The following CRB1 variants were observed in gnomAD, a reference collection of about 807,000 sequenced individuals.
The protein encoded by CRB1 is protein crumbs homolog 1.
A neutral mutation model predicts 120.0 loss-of-function variants in CRB1; 83 were observed. That is an observed-to-expected ratio of 0.69 (90% CI 0.58 to 0.83). The LOEUF is 0.83. Ranked by LOEUF, CRB1 falls within the 40% of genes least tolerant of loss-of-function variation. The probability of loss-of-function intolerance (pLI) is 0.00; values close to 1 mark genes in which losing one functional copy is unlikely to be tolerated. For missense variants in CRB1, 1,699 were observed against 1,687.6 expected, an observed-to-expected ratio of 1.01 and a Z score of -0.12; for synonymous variants, 625 against 612.5, an observed-to-expected ratio of 1.02 and a Z score of -0.30.
At chr1:197,321,774 C>A (rs188497092) in intron 1 of CRB1, among the ~76,000 whole-genome samples, 17 of 152,252 alleles carry the variant, frequency 1.1e-4, no homozygotes, top group African/African-American at 4.1e-4. Context: ...AATTCTGTGG[C>A]TGCTCAGGCC....
chr1:197,435,627 C>T lies in CRB1; in HGVS notation c.3749+15C>T, dbSNP rs1665121302. On this transcript the variant is annotated intron_variant, in intron 9 of 11. Coordinates refer to ENST00000367400, the MANE Select transcript of CRB1 (RefSeq NM_201253.3). ...AAATTTTGCAGGTGAGCATAAAGTC[C>T]ATATGAAGCTTGGTCTTTGAAGCTA... 1 of 1,604,588 alleles carries T rather than the reference C, an allele frequency of 6.2e-7. No homozygotes were observed. The highest frequency in any genetic ancestry group is 8.5e-7 in the Non-Finnish European group (1 of 1,174,050).
At chr1:197,222,421 G>A in the CRB1 span, 6 of 768,070 alleles carry the variant, frequency 7.8e-6, no homozygotes, top group Admixed American at 6.8e-5. Flanking sequence ...CTATTTCATC[G>A]TCCTCGGGCT....
chr1:197,299,570 A>AT (rs34254994), intron 1 of CRB1, among the ~76,000 whole-genome samples: 105,079 of 151,922 alleles, frequency 0.69, 36,564 homozygotes, highest in East Asian at 0.92. Context: ...ATGTAAAAAA[A>AT]GTTCATACAG....
At chr1:197,245,505 C>T in the CRB1 span, among the ~76,000 whole-genome samples, 1,241 of 152,108 alleles carry the variant, frequency 8.2e-3, 9 homozygotes, top group Non-Finnish European at 0.01. Flanking sequence ...TAGACCCCAT[C>T]TCTTAAAACA....
At chr1:197,416,005 G>T (rs185010693) in intron 5 of CRB1, among the ~76,000 whole-genome samples, 71 of 152,128 alleles carry the variant, frequency 4.7e-4, no homozygotes, top group African/African-American at 1.6e-3. Context: ...ATTTCTATAA[G>T]ACCTTCCCAG....
At chr1:197,254,400 A>G in the CRB1 span, among the ~76,000 whole-genome samples, 18 of 152,118 alleles carry the variant, frequency 1.2e-4, no homozygotes, top group Admixed American at 1.1e-3. Flanking sequence ...TTTTGAAATT[A>G]ATGTTGATGT....
the CRB1 span, among the ~76,000 whole-genome samples, chr1:197,238,474 TA>T: frequency 1.3e-5 from 2 of 152,218 alleles, no homozygotes; most frequent in Non-Finnish European, 2.9e-5. Context: ...TTTTTGAAAG[TA>T]CGATCTTTTT....
At chr1:197,305,619 G>A (rs1657121442) in intron 1 of CRB1, among the ~76,000 whole-genome samples, 3 of 151,734 alleles carry the variant, frequency 2.0e-5, no homozygotes, top group Non-Finnish European at 4.4e-5. Flanking sequence ...TCCTTTTACA[G>A]CATTCATCTT....
the CRB1 span, among the ~76,000 whole-genome samples, chr1:197,250,883 A>G: frequency 6.6e-6 from 1 of 152,018 alleles, no homozygotes; most frequent in African/African-American, 2.4e-5. Context: ...GTCTCCTGGA[A>G]GAGCTGCTTC....
intron 5 of CRB1, among the ~76,000 whole-genome samples, chr1:197,371,078 G>A (rs184613849): frequency 1.8e-4 from 28 of 152,116 alleles, no homozygotes; most frequent in African/African-American, 6.0e-4. Flanking sequence ...AACTTTTTCC[G>A]TTGAGCCTAG....
intron 5 of CRB1, among the ~76,000 whole-genome samples, chr1:197,361,329 T>G (rs987675594): frequency 1.3e-5 from 2 of 152,162 alleles, no homozygotes; most frequent in Admixed American, 6.5e-5. Flanking sequence ...TGTTAATTAT[T>G]CTTTAAATAT....
At chr1:197,335,127 GC>G (rs1659079707) in intron 2 of CRB1, among the ~76,000 whole-genome samples, 1 of 152,250 alleles carries the variant, frequency 6.6e-6, no homozygotes, top group East Asian at 1.9e-4. Flanking sequence ...AGATGCAAAG[GC>G]CCTGAGGTAA....
intron 5 of CRB1, among the ~76,000 whole-genome samples, chr1:197,365,064 A>G (rs1660987978): frequency 6.6e-6 from 1 of 152,196 alleles, no homozygotes; most frequent in Non-Finnish European, 1.5e-5. Context: ...TGGCCTACTT[A>G]TGTGGACTGT....
chr1:197,440,115 A>G (rs1571568101), intron 10 of CRB1: 3 of 152,156 alleles, frequency 2.0e-5, no homozygotes, highest in African/African-American at 7.2e-5. Flanking sequence ...ATCTTTCAAA[A>G]TATTGCAAAT....
At chr1:197,222,261 G>A in the CRB1 span, 1 of 544,148 alleles carries the variant, frequency 1.8e-6, no homozygotes, top group South Asian at 1.7e-5. Context: ...GGTGGCGGGT[G>A]TTTGAGGGAA....
At chr1:197,284,477 C>A (rs1344299638) in intron 1 of CRB1, among the ~76,000 whole-genome samples, 1 of 151,856 alleles carries the variant, frequency 6.6e-6, no homozygotes, top group Non-Finnish European at 1.5e-5. Context: ...AGCCCTATTT[C>A]TTCAGGGCAG....
chr1:197,419,388 A>G (rs1429160839), intron 5 of CRB1, among the ~76,000 whole-genome samples: 1 of 148,164 alleles, frequency 6.7e-6, no homozygotes, highest in Non-Finnish European at 1.5e-5. Flanking sequence ...TTGAGACAAG[A>G]GTCTCGCTTT....
chr1:197,260,699 AT>A, the CRB1 span, among the ~76,000 whole-genome samples: 1,346 of 144,128 alleles, frequency 9.3e-3, 12 homozygotes, highest in African/African-American at 0.023. Flanking sequence ...CAACTAACTA[AT>A]TTTTTTTTTT....
chr1:197,228,701 T>G, the CRB1 span, among the ~76,000 whole-genome samples: 3 of 152,210 alleles, frequency 2.0e-5, no homozygotes, highest in Admixed American at 6.5e-5. Context: ...TTTTTGGATA[T>G]CTTTTCAGCA....
Sources: gnomAD v4.1 joint callset for allele counts (sites outside exome capture counted in the v4.1 genomes callset) on GRCh38, gnomAD v4.1.1 for gene constraint, MANE v1.5 for transcripts, NCBI Gene and HGNC (gene_info 2026-07-23, HGNC 2026-07-21) for gene names.